ARFGEF1: variants seen among roughly 807,000 people sequenced by gnomAD.
ARFGEF1 encodes the protein ARF guanine nucleotide exchange factor 1.
In ARFGEF1, 42 loss-of-function variants were observed where a neutral mutation model predicts 231.0. The observed-to-expected ratio is 0.18, with a 90% confidence interval of 0.14 to 0.24. ARFGEF1 has a LOEUF of 0.24. Ranked by LOEUF, ARFGEF1 falls within the 10% of genes least tolerant of loss-of-function variation. The pLI, the probability that ARFGEF1 is intolerant of heterozygous loss-of-function variation, is 1.00. For missense variants in ARFGEF1, 1,345 were observed against 2,192.0 expected, an observed-to-expected ratio of 0.61 and a Z score of 7.72; for synonymous variants, 710 against 732.3, an observed-to-expected ratio of 0.97 and a Z score of 0.49.
rs573537899 is a variant in ARFGEF1, at chr8:67,298,292, C to T, written c.459+917G>A. On this transcript the variant is annotated intron_variant, in intron 4 of 38. Coordinates refer to ENST00000262215, the MANE Select transcript of ARFGEF1 (RefSeq NM_006421.5). ...TTTTACTGCTATAAAAATATACCAC[C>T]ACTACCATTAGCAATAACATTAAGA... is the stretch of plus-strand genomic sequence containing the variant. Among the ~76,000 whole-genome samples the T allele has an allele frequency of 2.1e-3, 322 of 152,204 alleles. 1 individual carries two copies. Among genetic ancestry groups the T allele is most frequent in the Non-Finnish European group, 4.0e-3 (274 of 68,022 alleles).
chr8:67,185,115 A>C (rs1217493168), intron 5 of ARFGEF1, among the ~76,000 whole-genome samples: 3 of 149,968 alleles, frequency 2.0e-5, no homozygotes, highest in Admixed American at 6.6e-5. Flanking sequence ...AAAAAAAAAA[A>C]AACAAAAACA....
At position 67,240,240 on chromosome 8, in the gene ARFGEF1, A is replaced by G. The variant is rs752895924; in HGVS notation, c.2901T>C (p.Cys967=). ...LAAFSVGLQD[C]DDTEVASLCL... ...AAAGAGAGGCTACTTCAGTATCATC[A>G]CAATCTTGTAGACCCACACTGAATG... The change falls in exon 20 of 39, where the codon TGT becomes TGC. Residue 967 remains cysteine, a synonymous_variant. Coordinates refer to ENST00000262215, the MANE Select transcript of ARFGEF1 (RefSeq NM_006421.5). 2 of 1,613,188 alleles carry G rather than the reference A, an allele frequency of 1.2e-6. No homozygotes were observed. The highest frequency in any genetic ancestry group is 1.1e-5 in the South Asian group (1 of 90,860).
chr8:67,317,503 T>C (rs904983035), intron 1 of ARFGEF1, among the ~76,000 whole-genome samples: 1 of 149,644 alleles, frequency 6.7e-6, no homozygotes, highest in Non-Finnish European at 1.5e-5. Context: ...CACTCATGAA[T>C]ATAGACGCAA....
At chr8:67,258,360 C>G in intron 15 of ARFGEF1, 70 bp from the exon 16 acceptor site, 1 of 1,159,672 alleles carries the variant, frequency 8.6e-7, no homozygotes, top group Non-Finnish European at 1.2e-6. Flanking sequence ...GAGTCTTGCT[C>G]TGTTGCCCAG....
intron 6 of ARFGEF1, among the ~76,000 whole-genome samples, chr8:67,289,955 T>C (rs1291285690): frequency 6.6e-6 from 1 of 152,180 alleles, no homozygotes; most frequent in African/African-American, 2.4e-5. Flanking sequence ...AGGGTCAATT[T>C]TCACATAAGT....
At chr8:67,235,811 T>C (rs1471040038) in intron 22 of ARFGEF1, among the ~76,000 whole-genome samples, 1 of 151,704 alleles carries the variant, frequency 6.6e-6, no homozygotes, top group Non-Finnish European at 1.5e-5. Flanking sequence ...TTTAAAAAAA[T>C]AGAAAAAAAA....
chr8:67,184,048 TCACCG>T (rs1397283778), intron 5 of ARFGEF1, among the ~76,000 whole-genome samples: 1 of 152,092 alleles, frequency 6.6e-6, no homozygotes. Flanking sequence ...AGACGGGGTT[TCACCG>T]TGTTGGCCAG....
chr8:67,214,590 C>A (rs1838861519), intron 33 of ARFGEF1, among the ~76,000 whole-genome samples: 1 of 152,052 alleles, frequency 6.6e-6, no homozygotes, highest in Non-Finnish European at 1.5e-5. Context: ...AATAGCTGGA[C>A]AACTTTTTGC....
intron 19 of ARFGEF1, among the ~76,000 whole-genome samples, chr8:67,243,151 G>A (rs1475007234): frequency 6.6e-6 from 1 of 152,222 alleles, no homozygotes; most frequent in Non-Finnish European, 1.5e-5. Flanking sequence ...CTATGAGTCT[G>A]CAAGAACTAC....
At chr8:67,174,767 GAAA>G (rs370370213), downstream of ARFGEF1, 5 of 98,522 alleles carry the variant, frequency 5.1e-5, no homozygotes, top group South Asian at 3.0e-4. Context: ...TCCGTCTCAA[GAAA>G]AAAAAAAAAA....
intron 1 of ARFGEF1, among the ~76,000 whole-genome samples, chr8:67,308,513 A>T (rs1307250991): frequency 6.6e-6 from 1 of 152,188 alleles, no homozygotes. Flanking sequence ...TGTCCCCTAA[A>T]TCAATTCCTT....
At chr8:67,275,894 A>G in intron 9 of ARFGEF1, 82 bp downstream of exon 9, 2 of 1,547,688 alleles carry the variant, frequency 1.3e-6, no homozygotes, top group Non-Finnish European at 1.7e-6. Context: ...AAAAAGAACA[A>G]AAGAAAATCC....
At chr8:67,199,422 T>C (rs530756980) in intron 38 of ARFGEF1, 60 of 208,938 alleles carry the variant, frequency 2.9e-4, no homozygotes, top group African/African-American at 1.2e-3. Context: ...TTATAAGCTA[T>C]GGGTTACTGA....
At chr8:67,284,150 G>T (rs1267656279) in intron 7 of ARFGEF1, among the ~76,000 whole-genome samples, 6 of 152,098 alleles carry the variant, frequency 3.9e-5, no homozygotes, top group Admixed American at 1.3e-4. Flanking sequence ...AGAAAACCAT[G>T]AGAGAAAAGA....
At chr8:67,305,152 A>G (rs1806680604) in intron 1 of ARFGEF1, among the ~76,000 whole-genome samples, 1 of 152,202 alleles carries the variant, frequency 6.6e-6, no homozygotes, top group Admixed American at 6.5e-5. Flanking sequence ...TCACTAAATA[A>G]CTGTGAGCAT....
intron 6 of ARFGEF1, among the ~76,000 whole-genome samples, chr8:67,288,708 G>C (rs1341065494): frequency 6.6e-6 from 1 of 152,048 alleles, no homozygotes; most frequent in African/African-American, 2.4e-5. Flanking sequence ...ACTCCACCCT[G>C]GGTGACAGAG....
At chr8:67,218,208 AT>A (rs66494911) in intron 30 of ARFGEF1, 70 bp from the exon 31 acceptor site, 26,121 of 80,496 alleles carry the variant, frequency 0.32, 3,082 homozygotes, top group Admixed American at 0.38. Flanking sequence ...AAAAAAAAAA[AT>A]ATATATATAT....
intron 22 of ARFGEF1, among the ~76,000 whole-genome samples, chr8:67,234,419 T>C (rs1839648916): frequency 6.6e-6 from 1 of 152,066 alleles, no homozygotes; most frequent in Admixed American, 6.6e-5. Context: ...TCACATATGA[T>C]GAAATATTAA....
chr8:67,276,859 T>C (rs571687331), intron 8 of ARFGEF1, among the ~76,000 whole-genome samples: 1 of 152,294 alleles, frequency 6.6e-6, no homozygotes, highest in South Asian at 2.1e-4. Context: ...TGTGGAATTC[T>C]CCAATGAGCA....
Sources: gnomAD v4.1 joint callset for allele counts (sites outside exome capture counted in the v4.1 genomes callset) on GRCh38, gnomAD v4.1.1 for gene constraint, MANE v1.5 for transcripts, NCBI Gene and HGNC (gene_info 2026-07-23, HGNC 2026-07-21) for gene names.